ARV1: variants seen among roughly 807,000 people sequenced by gnomAD.
The protein encoded by ARV1 is protein ARV1.
ARV1 carries 26 observed loss-of-function variants against 31.1 expected under a neutral mutation model. The ratio of observed to expected loss-of-function variants is 0.84; its 90% confidence interval spans 0.61 to 1.16. ARV1 has a LOEUF of 1.16. Among genes scored for constraint, ARV1 ranks in the 50% most tolerant of loss-of-function variants. The pLI is 0.00. For missense variants in ARV1, 281 were observed against 324.9 expected, an observed-to-expected ratio of 0.86 and a Z score of 1.04; for synonymous variants, 117 against 123.2, an observed-to-expected ratio of 0.95 and a Z score of 0.34.
chr1:230,998,539 CCT>C (rs1558247724), intron 5 of ARV1, among the ~76,000 whole-genome samples: 2 of 152,150 alleles, frequency 1.3e-5, no homozygotes, highest in Non-Finnish European at 2.9e-5. Flanking sequence ...GCCTGCTTCC[CCT>C]GTTTCTTCAC....
intron 5 of ARV1, among the ~76,000 whole-genome samples, chr1:230,998,074 C>G (rs1483504522): frequency 6.6e-6 from 1 of 152,196 alleles, no homozygotes; most frequent in African/African-American, 2.4e-5. Flanking sequence ...TTCTTTCCTC[C>G]TTCTCTCCTT....
intron 2 of ARV1, among the ~76,000 whole-genome samples, chr1:230,988,815 TA>T (rs1224562865): frequency 6.6e-6 from 1 of 152,040 alleles, no homozygotes; most frequent in Non-Finnish European, 1.5e-5. Context: ...AATGTTTTTT[TA>T]AAACATAATT....
intron 3 of ARV1, 49 bp from the exon 4 acceptor site, chr1:230,995,711 A>G (rs897044733): frequency 1.0e-5 from 14 of 1,405,146 alleles, no homozygotes; most frequent in South Asian, 2.5e-5. Context: ...TTAAGGGGAT[A>G]TATTTTGGAT....
At chr1:230,983,912 T>C (rs996746675) in intron 1 of ARV1, among the ~76,000 whole-genome samples, 4 of 152,162 alleles carry the variant, frequency 2.6e-5, no homozygotes, top group African/African-American at 9.7e-5. Flanking sequence ...AATGAAACAA[T>C]TTTGCCAAAA....
At position 230,997,129 on chromosome 1, in the gene ARV1, A is replaced by T. The variant is rs1352432790; in HGVS notation, c.682A>T (p.Asn228Tyr). Residue 228 changes from asparagine (N) to tyrosine (Y), a missense_variant, in exon 5 of 6, where the codon AAC becomes TAC. Transcript: ENST00000310256. ...SNFQAIRVTL[N>Y]INRKLSFLAV... ...TGCCTTCTCCTTTCCAGTGACCCTA[A>T]ACATCAACCGTAAGCTCTCCTTCTT... 1 of 1,613,882 alleles carries T rather than the reference A, an allele frequency of 6.2e-7. No individual in the cohort carries two copies. Among genetic ancestry groups the T allele is most frequent in the Non-Finnish European group, 8.5e-7 (1 of 1,179,992 alleles).
chr1:230,995,701 TTAAGGGGATATATTTTGG>T, intron 3 of ARV1, 41 bp from the exon 4 acceptor site: 1 of 1,321,824 alleles, frequency 7.6e-7, no homozygotes, highest in Non-Finnish European at 1.1e-6. Flanking sequence ...TTATTTGTTT[TTAAGGGGATATATTTTGG>T]ATGGGGACAT....
rs75387019 is a variant in ARV1, at chr1:230,987,208, G to A, written c.175-1112G>A. Among the ~76,000 whole-genome samples the A allele has an allele frequency of 5.9e-5, 9 of 152,286 alleles. No homozygotes were observed. In the East Asian group the frequency reaches 1.3e-3, roughly 23 times the overall value. On this transcript the variant is annotated intron_variant, in intron 1 of 5. Transcript: ENST00000310256. ...CTAACAGGCGGGGAGCATCTGCAAC[G>A]TGGACACGCTAGACAAAGGGATGAT... is the stretch of plus-strand genomic sequence containing the variant.
intron 1 of ARV1, among the ~76,000 whole-genome samples, chr1:230,983,070 C>T (rs1678955123): frequency 6.6e-6 from 1 of 152,072 alleles, no homozygotes; most frequent in Non-Finnish European, 1.5e-5. Flanking sequence ...TTGCTTTTAA[C>T]CAATCCTGCT....
intron 1 of ARV1, 91 bp downstream of exon 1, chr1:230,979,370 T>A (rs1022276408): frequency 7.0e-7 from 1 of 1,421,212 alleles, no homozygotes; most frequent in Non-Finnish European, 9.7e-7. Context: ...ATACAGTCTT[T>A]AGTTCGGTAG....
chr1:230,996,547 A>G (rs1379093111), intron 4 of ARV1, among the ~76,000 whole-genome samples: 1 of 152,054 alleles, frequency 6.6e-6, no homozygotes, highest in Non-Finnish European at 1.5e-5. Context: ...CCTGAGGTCA[A>G]GTGATCCTCC....
intron 1 of ARV1, among the ~76,000 whole-genome samples, chr1:230,984,363 C>CGTGTGTGTGTGTGTGTGTGTGTGTGT (rs34285543): frequency 7.7e-6 from 1 of 129,762 alleles, no homozygotes. Flanking sequence ...TGTGTGTGTG[C>CGTGTGTGTGTGTGTGTGTGTGTGTGT]GTGTGTGTGT....
chr1:230,997,333 T>C, intron 5 of ARV1, 66 bp downstream of exon 5: 1 of 1,556,202 alleles, frequency 6.4e-7, no homozygotes, highest in Non-Finnish European at 8.8e-7. Context: ...CAGATGTCAT[T>C]GTAAAAGAAG....
chr1:230,982,907 A>G (rs894587362), intron 1 of ARV1, among the ~76,000 whole-genome samples: 1 of 152,030 alleles, frequency 6.6e-6, no homozygotes, highest in Non-Finnish European at 1.5e-5. Flanking sequence ...TTCCCTGCCG[A>G]ACTTGGAGTC....
intron 1 of ARV1, among the ~76,000 whole-genome samples, chr1:230,982,610 T>G (rs2103042571): frequency 6.6e-6 from 1 of 152,340 alleles, no homozygotes; most frequent in Admixed American, 6.5e-5. Context: ...GGCACAGTAC[T>G]TTATGGATTC....
chr1:230,992,702 G>A (rs1679260747), intron 3 of ARV1, among the ~76,000 whole-genome samples: 1 of 152,060 alleles, frequency 6.6e-6, no homozygotes, highest in Non-Finnish European at 1.5e-5. Flanking sequence ...AGTTACACTC[G>A]GTGATTATTC....
chr1:230,995,922 C>T lies in ARV1; in HGVS notation c.611C>T (p.Thr204Ile), dbSNP rs1199419588. Residue 204 changes from threonine to isoleucine, a missense_variant, in exon 4 of 6, where the codon ACA becomes ATA. By Grantham distance (89) the Thr-to-Ile change is moderately conservative. Coordinates refer to ENST00000310256, the MANE Select transcript of ARV1 (RefSeq NM_022786.3). ...IPAVIWEHDY[T>I]SVCLKLIKVF... ...GCTGTCATTTGGGAACATGACTACA[C>T]ATCTGTGTGCCTCAAACTCATTAAA... The T allele has an allele frequency of 4.3e-6, 7 of 1,614,108 alleles. No individual in the cohort carries two copies. The highest frequency in any genetic ancestry group is 5.9e-6 in the Non-Finnish European group (7 of 1,180,020).
In ARV1 at chr1:230,988,425, A is replaced by G; in HGVS notation, c.280A>G (p.Asn94Asp). The G allele has an allele frequency of 2.6e-6, 4 of 1,556,008 alleles. No individual in the cohort carries two copies. The highest frequency in any genetic ancestry group is 3.5e-6 in the Non-Finnish European group (4 of 1,148,538). The change falls in exon 2 of 6, where the codon AAT becomes GAT. Residue 94 changes from asparagine (N) to aspartate (D), a missense_variant. Coordinates refer to ENST00000310256, the MANE Select transcript of ARV1 (RefSeq NM_022786.3). Reference sequence around the variant, plus strand: ...TCAGGCCTACAGACATATTCTTTTCAATACTCAAATAAATGTAAGTTGTGA... The same window carrying G: ...TCAGGCCTACAGACATATTCTTTTCGATACTCAAATAAATGTAAGTTGTGA... Reference protein sequence around the residue: ...KAQAYRHILFNTQINIHGKLC... With the variant: ...KAQAYRHILFDTQINIHGKLC...
At chr1:230,996,380 AG>A (rs1296681378) in intron 4 of ARV1, among the ~76,000 whole-genome samples, 3 of 152,182 alleles carry the variant, frequency 2.0e-5, no homozygotes, top group African/African-American at 7.2e-5. Flanking sequence ...CTACTATATC[AG>A]GAAGAGCAGC....
chr1:230,994,097 C>T (rs1233689560), intron 3 of ARV1, among the ~76,000 whole-genome samples: 1 of 152,146 alleles, frequency 6.6e-6, no homozygotes, highest in Admixed American at 6.6e-5. Flanking sequence ...GAAAGTCTCC[C>T]GACCCCCTTC....
Sources: allele counts gnomAD v4.1 joint callset (sites outside exome capture counted in the v4.1 genomes callset), GRCh38; gene constraint gnomAD v4.1.1; transcripts MANE v1.5; gene names NCBI Gene and HGNC (gene_info 2026-07-23, HGNC 2026-07-21).